Variants in NTM observed in about 807,000 individuals in gnomAD.
NTM encodes IgLON family member 2.
A neutral mutation model predicts 42.1 loss-of-function variants in NTM; 13 were observed. That is an observed-to-expected ratio of 0.31 (90% CI 0.20 to 0.49). NTM has a LOEUF of 0.49. Ranked by LOEUF, NTM falls within the 20% of genes least tolerant of loss-of-function variation. NTM has a pLI of 0.99. For missense variants in NTM, 373 were observed against 452.8 expected (o/e 0.82, Z 1.60); for synonymous variants, 187 against 179.2 (o/e 1.04, Z -0.35).
chr11:131,593,975 C>T (rs2059606113), intron 1 of NTM, among the ~76,000 whole-genome samples: 1 of 152,180 alleles, frequency 6.6e-6, no homozygotes, highest in African/African-American at 2.4e-5. Context: ...TGAATGCATT[C>T]AGAGGCAATA....
chr11:132,043,327 C>T (rs2077456746), intron 2 of NTM, among the ~76,000 whole-genome samples: 1 of 152,190 alleles, frequency 6.6e-6, no homozygotes, highest in Admixed American at 6.5e-5. Context: ...TTGTCAGAAG[C>T]AAAATGAACA....
At chr11:131,660,836 ATT>A (rs2067940002) in intron 1 of NTM, 2 of 1,217,086 alleles carry the variant, frequency 1.6e-6, no homozygotes, top group African/African-American at 3.2e-5. Context: ...ATATTCACTC[ATT>A]GTTACAGTTT....
chr11:131,555,730 C>T (rs1259812340), intron 1 of NTM, among the ~76,000 whole-genome samples: 1 of 152,144 alleles, frequency 6.6e-6, no homozygotes, highest in Non-Finnish European at 1.5e-5. Context: ...TGGCCCAGCT[C>T]CTGCCTTCCC....
chr11:132,314,923 T>G, intron 7 of NTM: 1 of 1,319,970 alleles, frequency 7.6e-7, no homozygotes, highest in Non-Finnish European at 9.7e-7. Flanking sequence ...AGATACAGTT[T>G]ACATGTATAC....
At chr11:132,332,087 T>TAAAGA (rs1460567664) in intron 8 of NTM, among the ~76,000 whole-genome samples, 19 of 152,194 alleles carry the variant, frequency 1.2e-4, no homozygotes, top group Non-Finnish European at 2.9e-5. Flanking sequence ...GGAATTCGCA[T>TAAAGA]AAAGAATAAA....
At chr11:132,104,579 C>CG (rs1380590017) in intron 2 of NTM, among the ~76,000 whole-genome samples, 1 of 143,094 alleles carries the variant, frequency 7.0e-6, no homozygotes, top group Non-Finnish European at 1.5e-5. Context: ...TAGTGGGACC[C>CG]CCCCCCACCA....
intron 1 of NTM, among the ~76,000 whole-genome samples, chr11:131,422,503 A>G (rs909850146): frequency 1.3e-5 from 2 of 152,228 alleles, no homozygotes; most frequent in Non-Finnish European, 2.9e-5. Context: ...CAGAAGCGGC[A>G]AAGTCCTTCT....
intron 2 of NTM, among the ~76,000 whole-genome samples, chr11:131,923,060 T>TA (rs2057449866): frequency 7.3e-6 from 1 of 137,572 alleles, no homozygotes; most frequent in Non-Finnish European, 1.6e-5. Flanking sequence ...AGTACCCCGT[T>TA]TAAAAAAAAA....
At chr11:131,883,191 A>G (rs2049828257) in intron 1 of NTM, among the ~76,000 whole-genome samples, 1 of 152,250 alleles carries the variant, frequency 6.6e-6, no homozygotes, top group Non-Finnish European at 1.5e-5. Context: ...ACATCAGGAC[A>G]TAACCTTTTC....
chr11:132,249,517 G>A (rs1965853), intron 4 of NTM, among the ~76,000 whole-genome samples: 52,320 of 152,124 alleles, frequency 0.34, 9,796 homozygotes, highest in Middle Eastern at 0.5. Context: ...AAGGACTGGC[G>A]GCAGGAGGAA....
chr11:131,699,666 G>A (rs2075854911), intron 1 of NTM, among the ~76,000 whole-genome samples: 1 of 152,098 alleles, frequency 6.6e-6, no homozygotes, highest in African/African-American at 2.4e-5. Flanking sequence ...CAATCATGGA[G>A]GAAGGGGAAG....
chr11:131,389,085 G>A (rs1442107714), intron 1 of NTM, among the ~76,000 whole-genome samples: 1 of 151,710 alleles, frequency 6.6e-6, no homozygotes, highest in Non-Finnish European at 1.5e-5. Flanking sequence ...TAGCCTATAT[G>A]CCAGCAAGTC....
At chr11:132,240,589 A>G (rs2139202018) in intron 4 of NTM, among the ~76,000 whole-genome samples, 1 of 152,356 alleles carries the variant, frequency 6.6e-6, no homozygotes, top group Non-Finnish European at 1.5e-5. Context: ...GCTTAGCTCT[A>G]GAGAGCAGCT....
At chr11:132,004,632 TCTCA>T (rs1224001192) in intron 2 of NTM, among the ~76,000 whole-genome samples, 86 of 143,234 alleles carry the variant, frequency 6.0e-4, no homozygotes, top group Non-Finnish European at 8.5e-4. Flanking sequence ...TCTCTCTCTC[TCTCA>T]CACACACACA....
In NTM at chr11:131,601,609, C is replaced by T. The variant is rs549660016; in HGVS notation, c.82+230721C>T. On this transcript the variant is annotated intron_variant, in intron 1 of 8. Coordinates refer to ENST00000683400, the MANE Select transcript of NTM (RefSeq NM_001352005.2). Reference sequence around the variant, plus strand: ...TCTCCTTTTTTTTTTTTAAGGCAGCCCCAGGAAGCCTGTAGTTCTGATTCC... The same window carrying T: ...TCTCCTTTTTTTTTTTTAAGGCAGCTCCAGGAAGCCTGTAGTTCTGATTCC... Among the ~76,000 whole-genome samples the T allele has an allele frequency of 2.6e-5, 4 of 151,816 alleles. No individual in the cohort carries two copies. The East Asian group carries it at 7.8e-4, about 29-fold the overall frequency.
intron 1 of NTM, among the ~76,000 whole-genome samples, chr11:131,639,963 AAAAATAAAAATAAATAAT>A (rs376841128): frequency 0.03 from 4,500 of 151,642 alleles, 113 homozygotes; most frequent in Middle Eastern, 0.068. Flanking sequence ...GTCAAAAAAT[AAAAATAAAAATAAATAAT>A]AAAATAAAAA....
At chr11:131,879,765 TG>T (rs2137249671) in intron 1 of NTM, among the ~76,000 whole-genome samples, 1 of 152,306 alleles carries the variant, frequency 6.6e-6, no homozygotes, top group African/African-American at 2.4e-5. Context: ...TGGCTCAAGC[TG>T]TGGCTCTTCT....
chr11:131,998,156 A>C (rs1270316163), intron 2 of NTM, among the ~76,000 whole-genome samples: 1 of 152,116 alleles, frequency 6.6e-6, no homozygotes, highest in East Asian at 1.9e-4. Flanking sequence ...GGGTCATAAA[A>C]GTCCTGACAG....
intron 4 of NTM, among the ~76,000 whole-genome samples, chr11:132,231,235 C>A (rs1165053055): frequency 6.6e-6 from 1 of 152,212 alleles, no homozygotes; most frequent in Non-Finnish European, 1.5e-5. Context: ...ACTCCATTTT[C>A]TCTAATGCAG....
Sources: allele counts gnomAD v4.1 joint callset (sites outside exome capture counted in the v4.1 genomes callset), GRCh38; gene constraint gnomAD v4.1.1; transcripts MANE v1.5; gene names NCBI Gene and HGNC (gene_info 2026-07-23, HGNC 2026-07-21).